MSRA: variants seen among roughly 807,000 people sequenced by gnomAD.
MSRA encodes the protein mitochondrial peptide methionine sulfoxide reductase.
Under a neutral mutation model 31.3 loss-of-function variants are expected in MSRA, and 54 were observed. The observed-to-expected ratio is 1.73, with a 90% confidence interval of 1.39 to 2.17. The LOEUF (loss-of-function observed/expected upper bound fraction) is 2.17, where lower values mean the gene tolerates loss of function less well. Ranked by LOEUF, MSRA falls within the 30% of genes most tolerant of loss-of-function variation. The probability of loss-of-function intolerance (pLI) is 0.00; values close to 1 mark genes in which losing one functional copy is unlikely to be tolerated. For missense variants in MSRA, 507 were observed against 300.9 expected, an observed-to-expected ratio of 1.69 and a Z score of -5.07; for synonymous variants, 169 against 116.5, an observed-to-expected ratio of 1.45 and a Z score of -2.90.
chr8:10,297,284 G>T (rs567726613), intron 3 of MSRA, among the ~76,000 whole-genome samples: 1 of 152,252 alleles, frequency 6.6e-6, no homozygotes, highest in South Asian at 2.1e-4. Context: ...TGTGGGGTAA[G>T]GCAGTGGAGG....
chr8:10,208,544 G>A (rs1585172621), intron 2 of MSRA, among the ~76,000 whole-genome samples: 1 of 152,046 alleles, frequency 6.6e-6, no homozygotes, highest in South Asian at 2.1e-4. Context: ...TCTGCACATG[G>A]CCCTTTCTTT....
chr8:10,081,846 G>T (rs1798309508), intron 1 of MSRA, among the ~76,000 whole-genome samples: 1 of 152,144 alleles, frequency 6.6e-6, no homozygotes, highest in Non-Finnish European at 1.5e-5. Flanking sequence ...GGGACCTCTT[G>T]ATCTGCAGTC....
chr8:10,077,127 C>T (rs1798032192), intron 1 of MSRA, among the ~76,000 whole-genome samples: 1 of 151,576 alleles, frequency 6.6e-6, no homozygotes, highest in Admixed American at 6.6e-5. Context: ...AAAGAGTACT[C>T]AGGAAACCAA....
chr8:10,111,691 T>C (rs75674321), intron 1 of MSRA, among the ~76,000 whole-genome samples: 189 of 152,352 alleles, frequency 1.2e-3, no homozygotes, highest in African/African-American at 4.4e-3. Flanking sequence ...ATTGGGCTAG[T>C]ATTGCATGAG....
At chr8:10,222,610 G>T (rs1176189008) in intron 2 of MSRA, among the ~76,000 whole-genome samples, 1 of 152,106 alleles carries the variant, frequency 6.6e-6, no homozygotes, top group Admixed American at 6.5e-5. Flanking sequence ...TGGATGCATG[G>T]ATTAAAACCT....
At chr8:10,125,482 A>AG (rs1447004784) in intron 1 of MSRA, among the ~76,000 whole-genome samples, 9 of 152,210 alleles carry the variant, frequency 5.9e-5, no homozygotes, top group Admixed American at 5.9e-4. Context: ...CCAGGGCCAG[A>AG]GGGAGTCAGT....
chr8:10,271,278 T>TG (rs1485190876), intron 3 of MSRA, among the ~76,000 whole-genome samples: 6 of 152,172 alleles, frequency 3.9e-5, no homozygotes, highest in African/African-American at 1.2e-4. Context: ...ATACCTACCA[T>TG]GGGGAAGCAA....
chr8:10,237,768 G>C (rs1201777861), intron 2 of MSRA, among the ~76,000 whole-genome samples: 1 of 152,130 alleles, frequency 6.6e-6, no homozygotes, highest in South Asian at 2.1e-4. Context: ...AATCTGTCAG[G>C]AAATCCTTTT....
In MSRA at chr8:10,245,227, G is replaced by A. The variant is rs754077748; in HGVS notation, c.331+4G>A. 1.2e-6 allele frequency: 2 copies of A among 1,612,282 alleles called. No homozygotes were observed. The highest frequency in any genetic ancestry group is 1.7e-6 in the Non-Finnish European group (2 of 1,179,212). On this transcript the variant is annotated splice_donor_region_variant and intron_variant, in intron 3 of 5. Transcript: ENST00000317173. Reference sequence around the variant, plus strand: ...ACTTATAAAGAAGTCTGCTCAGGTAGGAAGAATTTGCTTTATTGTATTACT... The same window carrying A: ...ACTTATAAAGAAGTCTGCTCAGGTAAGAAGAATTTGCTTTATTGTATTACT...
intron 3 of MSRA, among the ~76,000 whole-genome samples, chr8:10,286,296 G>T (rs533877988): frequency 6.6e-6 from 1 of 152,120 alleles, no homozygotes; most frequent in Non-Finnish European, 1.5e-5. Flanking sequence ...GGAGGGACCT[G>T]GTGGGAGGTA....
chr8:10,408,662 G>GT (rs1457872974), intron 5 of MSRA, among the ~76,000 whole-genome samples: 2 of 152,192 alleles, frequency 1.3e-5, no homozygotes, highest in African/African-American at 4.8e-5. Context: ...GGCGAAGTCT[G>GT]AGCTTTTTTA....
At chr8:10,180,131 A>G (rs1235721431) in intron 1 of MSRA, among the ~76,000 whole-genome samples, 14 of 152,328 alleles carry the variant, frequency 9.2e-5, no homozygotes, top group Non-Finnish European at 1.5e-5. Context: ...CCAGGTTGTC[A>G]CCTGCACTTC....
At chr8:10,106,239 C>G (rs1415518674) in intron 1 of MSRA, among the ~76,000 whole-genome samples, 1 of 152,168 alleles carries the variant, frequency 6.6e-6, no homozygotes, top group Non-Finnish European at 1.5e-5. Flanking sequence ...TGGCCATACG[C>G]TTTGCTCAGT....
chr8:10,101,403 T>C (rs1206649840), intron 1 of MSRA, among the ~76,000 whole-genome samples: 2 of 152,188 alleles, frequency 1.3e-5, no homozygotes, highest in African/African-American at 2.4e-5. Context: ...TATTTTACCG[T>C]CTTAACCATT....
chr8:10,417,780 C>CTGTGTGTGTGTGTGTGTGTGTGTGTGTG (rs1808570311), intron 5 of MSRA, among the ~76,000 whole-genome samples: 1 of 41,750 alleles, frequency 2.4e-5, no homozygotes, highest in Non-Finnish European at 4.5e-5. Context: ...GTGTGTGTGT[C>CTGTGTGTGTGTGTGTGTGTGTGTGTGTG]TGTGTACACG....
At chr8:10,137,535 TAACA>T (rs1257304196) in intron 1 of MSRA, among the ~76,000 whole-genome samples, 1 of 152,246 alleles carries the variant, frequency 6.6e-6, no homozygotes, top group Non-Finnish European at 1.5e-5. Flanking sequence ...AGGGCTTCTA[TAACA>T]AACGAACTAA....
intron 1 of MSRA, among the ~76,000 whole-genome samples, chr8:10,138,909 A>G (rs1309245972): frequency 6.6e-6 from 1 of 152,184 alleles, no homozygotes; most frequent in Non-Finnish European, 1.5e-5. Flanking sequence ...TAGCTACCAG[A>G]AACAGGTGGC....
rs147490221 is a variant in MSRA at position 10,136,366 on chromosome 8, G to A, written c.143-71467G>A. ...ATTGCCTTTCCTCTCAGAAGGTCTCGTTCATGTTACACAGCTTTGTTCACC... is the reference window on the plus strand; with the variant it reads ...ATTGCCTTTCCTCTCAGAAGGTCTCATTCATGTTACACAGCTTTGTTCACC... On this transcript the variant is annotated intron_variant, in intron 1 of 5. Coordinates refer to ENST00000317173, the MANE Select transcript of MSRA (RefSeq NM_012331.5). Among the ~76,000 whole-genome samples, 5 of 152,278 alleles carry A rather than the reference G, an allele frequency of 3.3e-5. No homozygotes were observed. The East Asian group carries it at 9.7e-4, about 29-fold the overall frequency.
intron 4 of MSRA, among the ~76,000 whole-genome samples, chr8:10,307,421 C>G (rs576500593): frequency 1.7e-4 from 26 of 152,278 alleles, no homozygotes; most frequent in African/African-American, 6.0e-4. Flanking sequence ...CCTGCCTCAG[C>G]CTTCCAAAGT....
Sources: gnomAD v4.1 joint callset for allele counts (sites outside exome capture counted in the v4.1 genomes callset) on GRCh38, gnomAD v4.1.1 for gene constraint, MANE v1.5 for transcripts, NCBI Gene and HGNC (gene_info 2026-07-23, HGNC 2026-07-21) for gene names.